Variants in ZNF140 observed in about 807,000 individuals in gnomAD.
ZNF140 encodes the protein zinc finger protein 140 (clone pHZ-39).
Under a neutral mutation model 12.9 loss-of-function variants are expected in ZNF140, and 13 were observed. The ratio of observed to expected loss-of-function variants is 1.01; its 90% confidence interval spans 0.66 to 1.60. ZNF140 has a LOEUF of 1.60. ZNF140 is among the 40% of genes most tolerant of loss of function. ZNF140 has a pLI of 0.00. For missense variants in ZNF140, 531 were observed against 548.8 expected, an observed-to-expected ratio of 0.97 and a Z score of 0.32; for synonymous variants, 214 against 186.7, an observed-to-expected ratio of 1.15 and a Z score of -1.19.
chr12:133,096,230 A>G (rs1175127674), intron 4 of ZNF140, among the ~76,000 whole-genome samples: 1 of 152,072 alleles, frequency 6.6e-6, no homozygotes, highest in Non-Finnish European at 1.5e-5. Context: ...TTTACCAAGT[A>G]TACTGCTTGT....
intron 4 of ZNF140, among the ~76,000 whole-genome samples, chr12:133,084,773 G>T (rs966488430): frequency 3.3e-5 from 5 of 152,176 alleles, no homozygotes; most frequent in African/African-American, 1.2e-4. Flanking sequence ...AAACTGAGCT[G>T]TAGCTTTAAG....
At position 133,106,409 on chromosome 12, in the gene ZNF140, A is replaced by G; in HGVS notation, c.1132A>G (p.Ser378Gly). Reference protein sequence around the residue: ...WHASLIQHTKSHTGEKPYACA... With the variant: ...WHASLIQHTKGHTGEKPYACA... ...TGCATCCCTTATTCAACATACGAAG[A>G]GTCACACTGGAGAGAAACCCTATGC... The change falls in exon 5 of 5, where the codon AGT (serine) becomes GGT (glycine). Residue 378 changes from serine to glycine, a missense_variant. Coordinates refer to ENST00000355557, the MANE Select transcript of ZNF140 (RefSeq NM_003440.4). 2 of 1,614,226 alleles carry G rather than the reference A, an allele frequency of 1.2e-6. No homozygotes were observed. Among genetic ancestry groups the G allele is most frequent in the Non-Finnish European group, 1.7e-6 (2 of 1,180,022 alleles).
At chr12:133,103,500 T>G (rs893052277) in intron 4 of ZNF140, among the ~76,000 whole-genome samples, 3 of 151,584 alleles carry the variant, frequency 2.0e-5, no homozygotes, top group Admixed American at 6.6e-5. Context: ...GGTCTCAAAC[T>G]CTAGGACTCA....
chr12:133,091,739 G>A (rs1411363617), intron 4 of ZNF140, among the ~76,000 whole-genome samples: 1 of 150,944 alleles, frequency 6.6e-6, no homozygotes, highest in Non-Finnish European at 1.5e-5. Context: ...AGATTTGTGA[G>A]GCTATCAACA....
chr12:133,105,830 G>A lies in ZNF140; in HGVS notation c.553G>A (p.Gly185Arg), dbSNP rs1356622230. The change falls in exon 5 of 5, where the codon GGA becomes AGA. Residue 185 changes from glycine (G) to arginine (R), a missense_variant. Coordinates refer to ENST00000355557, the MANE Select transcript of ZNF140 (RefSeq NM_003440.4). ...GGTGTTACACCAGAGGACTCATACT[G>A]GAGAGAAACCATATGCATGTAAGGA... is the stretch of plus-strand genomic sequence containing the variant. Reference protein sequence around the residue: ...SLVLHQRTHTGEKPYACKECG... With the variant: ...SLVLHQRTHTREKPYACKECG... 6.8e-6 allele frequency: 11 copies of A among 1,614,038 alleles called. No homozygotes were observed. The highest frequency in any genetic ancestry group is 5.0e-5 in the Admixed American group (3 of 60,000).
chr12:133,099,301 T>C (rs1201329638), intron 4 of ZNF140, among the ~76,000 whole-genome samples: 1 of 152,066 alleles, frequency 6.6e-6, no homozygotes, highest in Non-Finnish European at 1.5e-5. Flanking sequence ...GCTTCCTTCC[T>C]GGGTAACTGG....
chr12:133,089,071 T>C (rs1954771417), intron 4 of ZNF140, among the ~76,000 whole-genome samples: 1 of 152,236 alleles, frequency 6.6e-6, no homozygotes, highest in African/African-American at 2.4e-5. Flanking sequence ...GCTGGCCTCA[T>C]AGAATGAGTG....
At position 133,106,691 on chromosome 12, in the gene ZNF140, T is replaced by C. The variant is rs776400261; in HGVS notation, c.*40T>C. On this transcript the variant is annotated 3_prime_UTR_variant, in exon 5 of 5. Coordinates refer to ENST00000355557, the MANE Select transcript of ZNF140 (RefSeq NM_003440.4). ...GAAAAACTATGAATGTATGGAATTT[T>C]TTAAAAAGAAGTATAATGCCTTACT... The C allele has an allele frequency of 1.3e-6, 2 of 1,502,240 alleles. No homozygotes were observed. The highest frequency in any genetic ancestry group is 2.2e-5 in the Admixed American group (1 of 45,108). 93.1% of individuals were successfully genotyped at this position (1,502,240 alleles called of 1,614,324 possible).
chr12:133,091,491 C>G (rs1414561464), intron 4 of ZNF140, among the ~76,000 whole-genome samples: 5 of 150,932 alleles, frequency 3.3e-5, no homozygotes, highest in Non-Finnish European at 7.4e-5. Context: ...TCTCTTATGT[C>G]TTCCCTTTCT....
chr12:133,085,844 C>G (rs902464493), intron 4 of ZNF140, among the ~76,000 whole-genome samples: 10 of 152,090 alleles, frequency 6.6e-5, no homozygotes, highest in African/African-American at 2.2e-4. Context: ...TAGAGAGACC[C>G]TGTCTCCACA....
Position 133,105,569 on chromosome 12 carries a change from T to C in ZNF140, c.292T>C (p.Ser98Pro). ...FSPKNVIYDD[S>P]SQYLIMERIL... is the part of the protein sequence containing the mutation. ...ACCAAAAAATGTCATTTATGATGAC[T>C]CATCCCAGTATTTGATCATGGAAAG... The change falls in exon 5 of 5, where the codon TCA becomes CCA. Residue 98 changes from serine to proline, a missense_variant. Ser to Pro is a moderately conservative substitution (Grantham distance 74). Transcript: ENST00000355557. 1.9e-6 allele frequency: 3 copies of C among 1,613,950 alleles called. No individual in the cohort carries two copies. The highest frequency in any genetic ancestry group is 2.5e-6 in the Non-Finnish European group (3 of 1,179,964).
intron 4 of ZNF140, among the ~76,000 whole-genome samples, chr12:133,100,184 T>C (rs1955292822): frequency 7.0e-6 from 1 of 143,424 alleles, no homozygotes; most frequent in African/African-American, 2.8e-5. Flanking sequence ...TTTTTTTTTT[T>C]TTTGGCAGGG....
In ZNF140 at chr12:133,100,160, G is replaced by GTTT. The variant is rs58610589; in HGVS notation, c.233-5325_233-5323dup. Among the ~76,000 whole-genome samples, 33 of 60,982 alleles carry GTTT rather than the reference G, an allele frequency of 5.4e-4. 4 individuals carry two copies. Among genetic ancestry groups the GTTT allele is most frequent in the South Asian group, 2.3e-3 (4 of 1,768 alleles). The allele number at this position is 60,982 out of a possible 152,430, so 40.0% of individuals were successfully genotyped here. On this transcript the variant is annotated intron_variant, in intron 4 of 4. Transcript: ENST00000355557. ...CATCCAAAAATTTAATGCCTTTTCCGTTTTTTTTTTTTTTTTTTTTTTTTT... is the reference window on the plus strand; with the variant it reads ...CATCCAAAAATTTAATGCCTTTTCCGTTTTTTTTTTTTTTTTTTTTTTTTTTTT...
chr12:133,081,364 TA>T (rs1954484326), intron 2 of ZNF140, 35 bp downstream of exon 2: 11 of 268,650 alleles, frequency 4.1e-5, no homozygotes, highest in South Asian at 7.4e-5. Context: ...TATATATATA[TA>T]TATATAAATT....
chr12:133,082,801 T>C (rs1954547619), intron 2 of ZNF140: 1 of 234,432 alleles, frequency 4.3e-6, no homozygotes, highest in African/African-American at 2.2e-5. Context: ...TACTGTAAAA[T>C]CTTAAGAATT....
intron 4 of ZNF140, among the ~76,000 whole-genome samples, chr12:133,098,761 G>GTGGCACGATCT (rs1347954478): frequency 6.6e-6 from 1 of 151,858 alleles, no homozygotes; most frequent in African/African-American, 2.4e-5. Flanking sequence ...CTGGAGTGCA[G>GTGGCACGATCT]TGGCACGATC....
At chr12:133,091,787 A>G (rs1954899872) in intron 4 of ZNF140, among the ~76,000 whole-genome samples, 1 of 151,088 alleles carries the variant, frequency 6.6e-6, no homozygotes, top group Non-Finnish European at 1.5e-5. Flanking sequence ...ACCAGATTTA[A>G]CTGGGTTTTG....
At chr12:133,081,650 G>A (rs1354145813) in intron 2 of ZNF140, 1 of 447,502 alleles carries the variant, frequency 2.2e-6, no homozygotes, top group East Asian at 7.4e-5. Context: ...AGAGTGACAG[G>A]AAGCTATCCA....
At chr12:133,082,547 G>A (rs946737088) in intron 2 of ZNF140, 2 of 153,668 alleles carry the variant, frequency 1.3e-5, no homozygotes, top group African/African-American at 4.8e-5. Flanking sequence ...CTCTTCTTGC[G>A]GAATCAAGAT....
Sources: gnomAD v4.1 joint callset for allele counts (sites outside exome capture counted in the v4.1 genomes callset) on GRCh38, gnomAD v4.1.1 for gene constraint, MANE v1.5 for transcripts, NCBI Gene and HGNC (gene_info 2026-07-23, HGNC 2026-07-21) for gene names.